TLL1: variants seen among roughly 807,000 people sequenced by gnomAD.
The protein encoded by TLL1 is tolloid-like protein 1.
TLL1 carries 49 observed loss-of-function variants against 128.2 expected under a neutral mutation model. The observed-to-expected ratio is 0.38, with a 90% CI of 0.30 to 0.48. The LOEUF (loss-of-function observed/expected upper bound fraction) is 0.48. Among genes scored for constraint, TLL1 ranks in the 20% least tolerant of loss-of-function variants. The probability of loss-of-function intolerance (pLI) is 0.96; values close to 1 mark genes in which losing one functional copy is unlikely to be tolerated. For synonymous variants in TLL1, 454 were observed against 418.8 expected (o/e 1.08, Z -1.03); for missense variants, 1,123 against 1,242.0 (o/e 0.90, Z 1.44).
chr4:166,103,556 A>G lies in TLL1; in HGVS notation c.*2680A>G, dbSNP rs1742380710. The G allele has an allele frequency of 6.6e-6, 1 of 151,838 alleles. No homozygotes were observed. Among genetic ancestry groups the G allele is most frequent in the Admixed American group, 6.6e-5 (1 of 15,196 alleles). The allele number at this position is 151,838 out of a possible 1,614,324, so 9.4% of individuals were successfully genotyped here. A position where few individuals can be genotyped will look rare whatever the true frequency, so the allele number is the denominator to read the frequency against. ...CACAACTGAGAAATTAGGTATTTAG[A>G]AGGCATATAGAGATGTTGTCATAAC... On this transcript the variant is annotated 3_prime_UTR_variant, in exon 21 of 21. Coordinates refer to ENST00000061240, the MANE Select transcript of TLL1 (RefSeq NM_012464.5).
intron 9 of TLL1, among the ~76,000 whole-genome samples, chr4:166,032,524 C>T (rs574548564): frequency 3.9e-4 from 60 of 152,116 alleles, no homozygotes; most frequent in African/African-American, 1.1e-3. Flanking sequence ...AGAATTATGC[C>T]TGAGGGCATA....
rs932830660 is a variant in TLL1, at chr4:165,926,551, G to C, written c.169+52478G>C. Among the ~76,000 whole-genome samples, 14 of 152,168 alleles carry C rather than the reference G, an allele frequency of 9.2e-5. No individual in the cohort carries two copies. The East Asian group carries it at 2.1e-3, about 23-fold the overall frequency. On this transcript the variant is annotated intron_variant, in intron 1 of 20. Coordinates refer to ENST00000061240, the MANE Select transcript of TLL1 (RefSeq NM_012464.5). ...CTGTCTCAGGAAGCAGAAGGCAGAG[G>C]GGGGAGTCCTCTGTCTTAAGTACAT...
In TLL1 at chr4:166,047,385, C is replaced by T. The variant is rs566771530; in HGVS notation, c.1524+3966C>T. ...TTCACCATGTTAGCCAGGATGGTCT[C>T]GATCTCCTGAATTCGTGATCTGCCC... On this transcript the variant is annotated intron_variant, in intron 12 of 20. Coordinates refer to ENST00000061240, the MANE Select transcript of TLL1 (RefSeq NM_012464.5). Among the ~76,000 whole-genome samples the T allele has an allele frequency of 6.6e-5, 10 of 151,460 alleles. No homozygotes were observed. The South Asian group carries it at 1.9e-3, about 28-fold the overall frequency.
intron 1 of TLL1, among the ~76,000 whole-genome samples, chr4:165,894,027 G>A (rs973537879): frequency 4.6e-5 from 7 of 152,184 alleles, no homozygotes; most frequent in African/African-American, 1.7e-4. Flanking sequence ...CAATGGAAAT[G>A]TTTATCATTA....
chr4:166,096,926 T>C (rs987325479), intron 19 of TLL1, among the ~76,000 whole-genome samples: 3 of 152,170 alleles, frequency 2.0e-5, no homozygotes, highest in Non-Finnish European at 2.9e-5. Flanking sequence ...TGGTTTTTCA[T>C]TTCATACCTG....
At chr4:166,077,808 C>A (rs1741102884) in intron 17 of TLL1, 95 bp from the exon 18 acceptor site, 1 of 1,569,756 alleles carries the variant, frequency 6.4e-7, no homozygotes, top group South Asian at 1.1e-5. Flanking sequence ...TCAGGAAAAT[C>A]TTTCAACAGG....
At chr4:165,877,257 A>G (rs1463445027) in intron 1 of TLL1, among the ~76,000 whole-genome samples, 1 of 152,270 alleles carries the variant, frequency 6.6e-6, no homozygotes. Flanking sequence ...CATTATAGGT[A>G]TAAGTGATAG....
intron 1 of TLL1, among the ~76,000 whole-genome samples, chr4:165,934,420 AT>A (rs1454498240): frequency 1.3e-5 from 2 of 152,182 alleles, no homozygotes; most frequent in Non-Finnish European, 2.9e-5. Context: ...CTTGCCTTTC[AT>A]ATGTGACTTA....
rs181007415 is a variant in TLL1 at position 165,980,503 on chromosome 4, G to A, written c.170-8878G>A. On this transcript the variant is annotated intron_variant, in intron 1 of 20. Transcript: ENST00000061240. Reference sequence around the variant, plus strand: ...CCTAAGAAAATAAAGTAATTCAAACGTGCAGCCAATTGTAGTGATAAGCTC... The same window carrying A: ...CCTAAGAAAATAAAGTAATTCAAACATGCAGCCAATTGTAGTGATAAGCTC... Among the ~76,000 whole-genome samples, 25 of 152,202 alleles carry A rather than the reference G, an allele frequency of 1.6e-4. No homozygotes were observed. The South Asian group carries it at 3.5e-3, about 21-fold the overall frequency.
intron 9 of TLL1, among the ~76,000 whole-genome samples, chr4:166,033,189 C>T (rs546035739): frequency 3.9e-5 from 6 of 152,166 alleles, no homozygotes; most frequent in South Asian, 2.1e-4. Context: ...AATGTACCTG[C>T]GCTTTTGCCC....
At chr4:166,067,622 T>C (rs1237903209) in intron 16 of TLL1, among the ~76,000 whole-genome samples, 1 of 151,796 alleles carries the variant, frequency 6.6e-6, no homozygotes, top group African/African-American at 2.4e-5. Flanking sequence ...ACTTAGAACA[T>C]GGATGATTTC....
intron 9 of TLL1, among the ~76,000 whole-genome samples, chr4:166,030,194 T>G (rs1254973096): frequency 1.3e-5 from 2 of 152,168 alleles, no homozygotes; most frequent in African/African-American, 4.8e-5. Flanking sequence ...CTACTGGGTG[T>G]CAGGTGATAT....
intron 1 of TLL1, among the ~76,000 whole-genome samples, chr4:165,925,556 T>C (rs964980542): frequency 5.3e-5 from 8 of 152,176 alleles, no homozygotes; most frequent in Non-Finnish European, 1.0e-4. Flanking sequence ...TTTCTTGAGA[T>C]AGAATATACC....
At chr4:165,955,288 A>G (rs1734729145) in intron 1 of TLL1, among the ~76,000 whole-genome samples, 1 of 152,070 alleles carries the variant, frequency 6.6e-6, no homozygotes. Context: ...CAAGAAATAT[A>G]AGATATAAAG....
At chr4:166,020,408 T>C (rs1738166051) in intron 8 of TLL1, among the ~76,000 whole-genome samples, 1 of 152,172 alleles carries the variant, frequency 6.6e-6, no homozygotes, top group Non-Finnish European at 1.5e-5. Flanking sequence ...ATTACAACAC[T>C]TCATCTTCCC....
intron 16 of TLL1, among the ~76,000 whole-genome samples, chr4:166,072,282 T>C (rs895479877): frequency 1.3e-5 from 2 of 151,948 alleles, no homozygotes; most frequent in African/African-American, 4.8e-5. Context: ...CTCTGATAAG[T>C]TGGGAAAGTA....
At chr4:166,081,522 G>A (rs144120103) in intron 18 of TLL1, among the ~76,000 whole-genome samples, 32 of 152,236 alleles carry the variant, frequency 2.1e-4, no homozygotes, top group African/African-American at 7.2e-4. Flanking sequence ...CCTCGTATCT[G>A]CAGTTTCCGT....
intron 1 of TLL1, among the ~76,000 whole-genome samples, chr4:165,972,873 A>C (rs1488463130): frequency 6.6e-6 from 1 of 151,990 alleles, no homozygotes; most frequent in Non-Finnish European, 1.5e-5. Context: ...CCTTTCACCA[A>C]TGTGTTCCTT....
At chr4:166,093,663 C>T (rs765730663) in intron 19 of TLL1, among the ~76,000 whole-genome samples, 9 of 152,226 alleles carry the variant, frequency 5.9e-5, no homozygotes, top group Admixed American at 1.3e-4. Context: ...GGCTGGGGGA[C>T]GGTCAGGCCT....
Sources: gnomAD v4.1 joint callset for allele counts (sites outside exome capture counted in the v4.1 genomes callset) on GRCh38, gnomAD v4.1.1 for gene constraint, MANE v1.5 for transcripts, NCBI Gene and HGNC (gene_info 2026-07-23, HGNC 2026-07-21) for gene names.